The following KAT7 variants were observed in gnomAD, a reference collection of about 807,000 sequenced individuals.
KAT7 encodes lysine acetyltransferase 7, also known as histone acetyltransferase KAT7.
KAT7 carries 10 observed loss-of-function variants against 82.1 expected under a neutral mutation model. The observed-to-expected ratio is 0.12, with a 90% CI of 0.08 to 0.21. The LOEUF (loss-of-function observed/expected upper bound fraction) is 0.21. Among genes scored for constraint, KAT7 ranks in the 10% least tolerant of loss-of-function variants. KAT7 has a pLI of 1.00. For synonymous variants in KAT7, 250 were observed against 262.5 expected, an observed-to-expected ratio of 0.95 and a Z score of 0.46; for missense variants, 378 against 760.9, an observed-to-expected ratio of 0.50 and a Z score of 5.92.
chr17:49,808,124 T>TC (rs1208935356), intron 5 of KAT7, among the ~76,000 whole-genome samples: 1 of 146,264 alleles, frequency 6.8e-6, no homozygotes, highest in African/African-American at 2.5e-5. Flanking sequence ...GGTTTTCTTT[T>TC]TTTTTTTTTT....
Position 49,798,377 on chromosome 17 carries a change from G to C in KAT7, c.399G>C (p.Ala133=). 1 of 1,614,084 alleles carries C rather than the reference G, an allele frequency of 6.2e-7. No homozygotes were observed. The highest frequency in any genetic ancestry group is 8.5e-7 in the Non-Finnish European group (1 of 1,179,962). ...CGCCTCGAACTCCAACTGGAAATGC[G>C]CCTTCTTCTGAGTCTGACATAGACA... ...ESPPRTPTGN[A]PSSESDIDIS... is the part of the protein sequence containing the mutation. Residue 133 remains alanine (A), a synonymous_variant, in exon 4 of 15, where the codon GCG becomes GCC. Coordinates refer to ENST00000259021, the MANE Select transcript of KAT7 (RefSeq NM_007067.5).
chr17:49,817,911 A>G lies in KAT7; in HGVS notation c.1055A>G (p.His352Arg). Residue 352 changes from histidine to arginine, a missense_variant, in exon 9 of 15, where the codon CAT (histidine) becomes CGT (arginine). Coordinates refer to ENST00000259021, the MANE Select transcript of KAT7 (RefSeq NM_007067.5). ...FGRYELDTWY[H>R]SPYPEEYARL... The stretch of plus-strand genomic sequence containing the variant: ...CGCTATGAGCTTGATACCTGGTATC[A>G]TTCTCCATATCCTGAAGAATATGCA... The G allele has an allele frequency of 6.2e-7, 1 of 1,613,540 alleles. No individual in the cohort carries two copies. Among genetic ancestry groups the G allele is most frequent in the Non-Finnish European group, 8.5e-7 (1 of 1,179,526 alleles).
intron 1 of KAT7, chr17:49,789,847 C>T (rs549929773): frequency 4.6e-5 from 7 of 152,138 alleles, no homozygotes; most frequent in African/African-American, 1.4e-4. Flanking sequence ...AGTGAAGGAG[C>T]AGTTAAGTCT....
intron 4 of KAT7, among the ~76,000 whole-genome samples, chr17:49,802,768 T>C (rs2074040896): frequency 4.6e-5 from 7 of 152,180 alleles, no homozygotes. Context: ...CTCTGTCACC[T>C]AGGCTGGAGT....
chr17:49,797,737 A>G (rs2073974965), intron 3 of KAT7, among the ~76,000 whole-genome samples: 1 of 152,246 alleles, frequency 6.6e-6, no homozygotes, highest in African/African-American at 2.4e-5. Context: ...TGGGCGGCCA[A>G]TCACCCATAG....
chr17:49,831,081 A>G lies in KAT7; in HGVS notation c.*3579A>G. ...CAGATCGCTTGAGTCCAGGAATTCG[A>G]GACTAGCCTGGGCAGCATGGTGAAA... On this transcript the variant is annotated 3_prime_UTR_variant, in exon 15 of 15. Coordinates refer to ENST00000259021, the MANE Select transcript of KAT7 (RefSeq NM_007067.5). 6.6e-6 allele frequency: 1 copy of G among 152,424 alleles called. No individual in the cohort carries two copies. The highest frequency in any genetic ancestry group is 1.5e-5 in the Non-Finnish European group (1 of 68,102). 9.4% of individuals were successfully genotyped at this position (152,424 alleles called of 1,614,324 possible).
At chr17:49,798,282 C>A in intron 3 of KAT7, 37 bp from the exon 4 acceptor site, 1 of 1,595,842 alleles carries the variant, frequency 6.3e-7, no homozygotes. Context: ...AATAAATGAA[C>A]TCCACTCATA....
At chr17:49,788,954 C>T (rs1429005095) in intron 1 of KAT7, 105 bp downstream of exon 1, 4 of 1,089,992 alleles carry the variant, frequency 3.7e-6, no homozygotes, top group Admixed American at 3.1e-5. Flanking sequence ...ACTTTCCGCT[C>T]CCCCGAACCT....
intron 5 of KAT7, among the ~76,000 whole-genome samples, chr17:49,806,790 C>T (rs571454248): frequency 6.6e-6 from 1 of 152,264 alleles, no homozygotes; most frequent in African/African-American, 2.4e-5. Flanking sequence ...AAAATTCTGA[C>T]CAAAGGAAAA....
chr17:49,826,480 A>T (rs1404371599), intron 13 of KAT7: 1 of 530,806 alleles, frequency 1.9e-6, no homozygotes, highest in Admixed American at 3.4e-5. Context: ...CCTGATTTCT[A>T]AGGGGCCAAG....
At position 49,827,532 on chromosome 17, in the gene KAT7, C is replaced by T. The variant is rs1467431888; in HGVS notation, c.*30C>T. The T allele has an allele frequency of 7.7e-7, 1 of 1,300,356 alleles. No individual in the cohort carries two copies. The highest frequency in any genetic ancestry group is 1.1e-6 in the Non-Finnish European group (1 of 894,950). 80.6% of individuals were successfully genotyped at this position (1,300,356 alleles called of 1,614,324 possible). ...ACCTGTCATTCCGAGCCAGCGAACC[C>T]CAGCAGTAGGAATCCGTACCCTAGG... On this transcript the variant is annotated 3_prime_UTR_variant, in exon 15 of 15. Coordinates refer to ENST00000259021, the MANE Select transcript of KAT7 (RefSeq NM_007067.5).
chr17:49,826,125 G>A lies in KAT7; in HGVS notation c.1606G>A (p.Gly536Ser), dbSNP rs1290041185. The A allele has an allele frequency of 6.2e-7, 1 of 1,613,932 alleles. No homozygotes were observed. Among genetic ancestry groups the A allele is most frequent in the East Asian group, 2.2e-5 (1 of 44,876 alleles). Residue 536 changes from glycine (G) to serine (S), a missense_variant, in exon 13 of 15, where the codon GGC becomes AGC. Around this residue, in one of 6 missense-constraint regions of KAT7, gnomAD observed 44 missense variants for 102.2 expected, o/e 0.43. Transcript: ENST00000259021. ...TCTCCGCTACCTGCATAATTTTCAA[G>A]GCAAAGAGATTTCTATCAAAGGTTG... Reference protein sequence around the residue: ...VLLRYLHNFQGKEISIKEISQ... With the variant: ...VLLRYLHNFQSKEISIKEISQ...
At chr17:49,824,366 CT>C (rs1444470067) in intron 12 of KAT7, 1 of 152,186 alleles carries the variant, frequency 6.6e-6, no homozygotes, top group Admixed American at 6.5e-5. Flanking sequence ...TTCTTTCTTT[CT>C]TTCTTTTTTG....
chr17:49,821,640 C>G lies in KAT7; in HGVS notation c.1246-10C>G, dbSNP rs773421261. The G allele has an allele frequency of 4.3e-6, 7 of 1,612,594 alleles. No individual in the cohort carries two copies. The African/African-American group carries it at 8.0e-5, about 18-fold the overall frequency. On this transcript the variant is annotated splice_polypyrimidine_tract_variant and intron_variant, in intron 10 of 14. Coordinates refer to ENST00000259021, the MANE Select transcript of KAT7 (RefSeq NM_007067.5). ...TGGCCCACACATGAACTCTGTTTCT[C>G]TGCTTCCAGATCTACTGCCAAAACC...
chr17:49,797,731 C>T (rs976686871), intron 3 of KAT7, among the ~76,000 whole-genome samples: 11 of 152,166 alleles, frequency 7.2e-5, no homozygotes, highest in Admixed American at 3.3e-4. Flanking sequence ...GAACACTGGG[C>T]GGCCAATCAC....
chr17:49,823,353 T>C, intron 12 of KAT7, 58 bp downstream of exon 12: 1 of 939,598 alleles, frequency 1.1e-6, no homozygotes, highest in Non-Finnish European at 1.7e-6. Context: ...GAATATTGTT[T>C]GTCTTTTTGT....
In KAT7 at chr17:49,817,890, A is replaced by G. The variant is rs1397898686; in HGVS notation, c.1034A>G (p.Tyr345Cys). Residue 345 changes from tyrosine (Y) to cysteine (C), a missense_variant, in exon 9 of 15, where the codon TAT (tyrosine) becomes TGT (cysteine). Physicochemically the swap from Tyr to Cys is radical, Grantham distance 194 (BLOSUM62 -2). Transcript: ENST00000259021. ...ATTAAAACAATTGCTTTTGGCCGCT[A>G]TGAGCTTGATACCTGGTATCATTCT... ...NMIKTIAFGR[Y>C]ELDTWYHSPY... The G allele has an allele frequency of 6.2e-7, 1 of 1,613,564 alleles. No individual in the cohort carries two copies. The highest frequency in any genetic ancestry group is 2.2e-5 in the East Asian group (1 of 44,890).
chr17:49,804,774 T>TA (rs1386296484), intron 4 of KAT7, among the ~76,000 whole-genome samples: 6 of 152,042 alleles, frequency 3.9e-5, no homozygotes, highest in Admixed American at 2.0e-4. Context: ...TTTTTTAAAG[T>TA]AAAAAAATCT....
At chr17:49,814,278 G>A (rs2074206132) in intron 7 of KAT7, among the ~76,000 whole-genome samples, 1 of 152,150 alleles carries the variant, frequency 6.6e-6, no homozygotes, top group Non-Finnish European at 1.5e-5. Flanking sequence ...TGGGTTGTGG[G>A]GTGAATTTGT....
Sources: allele counts gnomAD v4.1 joint callset (sites outside exome capture counted in the v4.1 genomes callset), GRCh38; gene constraint gnomAD v4.1.1; regional missense constraint gnomAD v4.1.1; transcripts MANE v1.5; gene names NCBI Gene and HGNC (gene_info 2026-07-23, HGNC 2026-07-21).